Variants in SPI1 observed in about 807,000 individuals in gnomAD.
The protein encoded by SPI1 is transcription factor PU.1.
A neutral mutation model predicts 30.7 loss-of-function variants in SPI1; 3 were observed. That is an observed-to-expected ratio of 0.10 (90% CI 0.04 to 0.25). The LOEUF is 0.25. Ranked by LOEUF, SPI1 falls within the 10% of genes least tolerant of loss-of-function variation. The probability of loss-of-function intolerance (pLI) is 1.00; values close to 1 mark genes in which losing one functional copy is unlikely to be tolerated. For missense variants in SPI1, 261 were observed against 371.5 expected (o/e 0.70, Z 2.45); for synonymous variants, 169 against 157.1 (o/e 1.08, Z -0.56).
At position 47,355,636 on chromosome 11, in the gene SPI1, G is replaced by C. The variant is rs568247487; in HGVS notation, c.494-90C>G. ...TGCGTACGCACAGGGGCCCGGGGAC[G>C]GGGTGGCCGGGAAGGGCAGGGGAAC... On this transcript the variant is annotated intron_variant, in intron 4 of 4. Coordinates refer to ENST00000378538, the MANE Select transcript of SPI1 (RefSeq NM_003120.3). The C allele has an allele frequency of 1.4e-4, 166 of 1,177,622 alleles. No individual in the cohort carries two copies. The East Asian group carries it at 1.9e-3, about 14-fold the overall frequency. 72.9% of individuals were successfully genotyped at this position (1,177,622 alleles called of 1,614,324 possible). A position where few individuals can be genotyped will look rare whatever the true frequency, so the allele number is the denominator to read the frequency against.
In SPI1 at chr11:47,359,702, A is replaced by G. The variant is rs929711247; in HGVS notation, c.330+151T>C. On this transcript the variant is annotated intron_variant, in intron 3 of 4. Transcript: ENST00000378538. The surrounding 1 kb of genome is among the most constrained non-coding windows in gnomAD (Gnocchi z 5.1). ...GGGTCATGAGGTCACTTGGGGGGTC[A>G]GGCGGCAGCCGTTGGAGCTCCAGCC... The G allele has an allele frequency of 7.8e-6, 6 of 769,604 alleles. No homozygotes were observed. The highest frequency in any genetic ancestry group is 1.3e-5 in the Non-Finnish European group (6 of 479,372). The allele number at this position is 769,604 out of a possible 1,614,324, so 47.7% of individuals were successfully genotyped here.
At chr11:47,356,860 A>T (rs565338289) in intron 4 of SPI1, among the ~76,000 whole-genome samples, 6 of 148,594 alleles carry the variant, frequency 4.0e-5, no homozygotes, top group Non-Finnish European at 6.0e-5. Flanking sequence ...ACACCTGCTC[A>T]CACACATCTC....
At chr11:47,356,521 TGCTCACACA>T (rs1211985283) in intron 4 of SPI1, among the ~76,000 whole-genome samples, 119 of 151,422 alleles carry the variant, frequency 7.9e-4, no homozygotes, top group African/African-American at 2.8e-3. Flanking sequence ...CACTCACACC[TGCTCACACA>T]CACCTCACAC....
chr11:47,355,832 C>A, intron 4 of SPI1, among the ~76,000 whole-genome samples: 1 of 147,894 alleles, frequency 6.8e-6, no homozygotes, highest in Admixed American at 6.7e-5. Flanking sequence ...CACACATGCT[C>A]ACATCCACAT....
At chr11:47,355,581 G>T (rs1213644797) in intron 4 of SPI1, 35 bp from the exon 5 acceptor site, 6 of 1,515,394 alleles carry the variant, frequency 4.0e-6, no homozygotes, top group Non-Finnish European at 5.3e-6. Flanking sequence ...AGGGGGCCCG[G>T]GGCCCACATG....
intron 2 of SPI1, among the ~76,000 whole-genome samples, chr11:47,369,145 G>A (rs892002026): frequency 5.8e-4 from 89 of 152,228 alleles, no homozygotes; most frequent in African/African-American, 2.1e-3. Context: ...CCAGCTACTC[G>A]GGAGGCTGAG....
chr11:47,358,667 T>TAC, intron 4 of SPI1, 177 bp downstream of exon 4: 1 of 728,244 alleles, frequency 1.4e-6, no homozygotes, highest in Non-Finnish European at 2.4e-6. Context: ...ACACAGCAGA[T>TAC]ACACACACAC....
At chr11:47,373,347 G>A (rs765452168) in intron 2 of SPI1, among the ~76,000 whole-genome samples, 2 of 147,334 alleles carry the variant, frequency 1.4e-5, no homozygotes, top group South Asian at 2.1e-4. Context: ...ACGAGACTCC[G>A]TATCAAAAAA....
intron 4 of SPI1, chr11:47,358,302 C>T (rs775161723): frequency 5.9e-5 from 31 of 522,022 alleles, no homozygotes; most frequent in Non-Finnish European, 9.4e-5. Flanking sequence ...ATCACTCACA[C>T]ATGCCTGCTT....
rs2095941107 is a variant in SPI1, at chr11:47,375,576, G to C, written c.142+57C>G. The C allele has an allele frequency of 7.6e-7, 1 of 1,317,404 alleles. No homozygotes were observed. The allele number at this position is 1,317,404 out of a possible 1,614,324, so 81.6% of individuals were successfully genotyped here. A position where few individuals can be genotyped will look rare whatever the true frequency, so the allele number is the denominator to read the frequency against. The stretch of plus-strand genomic sequence containing the variant: ...ATCATTTATTCTTTTTCTCTCTCCA[G>C]ACCCCAGGAGCCCAGGCTGGGCTGG... On this transcript the variant is annotated intron_variant, in intron 2 of 4. Transcript: ENST00000378538. This position sits in a 1 kb window ranked among gnomAD's most constrained non-coding sequence, Gnocchi z 4.2.
intron 2 of SPI1, among the ~76,000 whole-genome samples, chr11:47,362,226 C>T (rs1370757028): frequency 6.6e-6 from 1 of 152,092 alleles, no homozygotes; most frequent in Non-Finnish European, 1.5e-5. Context: ...CCTTGATAAA[C>T]ATTAACTTCA....
At chr11:47,373,091 G>A (rs1371370979) in intron 2 of SPI1, among the ~76,000 whole-genome samples, 3 of 152,176 alleles carry the variant, frequency 2.0e-5, no homozygotes, top group Admixed American at 6.5e-5. Flanking sequence ...AGTGGCTCAC[G>A]CCTGTAATCC....
chr11:47,355,110 G>T lies in SPI1; in HGVS notation c.*117C>A. ...GAGGGGGCGGGTGAGGCGAGGCCCG[G>T]CCCGCCACAGTCCTGCCTCTGGGCC... On this transcript the variant is annotated 3_prime_UTR_variant, in exon 5 of 5. Coordinates refer to ENST00000378538, the MANE Select transcript of SPI1 (RefSeq NM_003120.3). 1.3e-6 allele frequency: 1 copy of T among 788,182 alleles called. No individual in the cohort carries two copies. The highest frequency in any genetic ancestry group is 1.7e-6 in the Non-Finnish European group (1 of 588,368). 48.8% of individuals were successfully genotyped at this position (788,182 alleles called of 1,614,324 possible).
intron 4 of SPI1, among the ~76,000 whole-genome samples, chr11:47,356,806 A>G (rs1304951603): frequency 2.0e-5 from 3 of 149,400 alleles, no homozygotes; most frequent in African/African-American, 7.5e-5. Context: ...TTGCACGCAC[A>G]CACCTGCTTA....
At chr11:47,357,259 C>T (rs2095912460) in intron 4 of SPI1, among the ~76,000 whole-genome samples, 1 of 147,336 alleles carries the variant, frequency 6.8e-6, no homozygotes, top group Non-Finnish European at 1.5e-5. Flanking sequence ...TACCTGCTCA[C>T]ATACATGCTC....
intron 2 of SPI1, among the ~76,000 whole-genome samples, chr11:47,373,103 A>C (rs959601352): frequency 1.3e-5 from 2 of 152,232 alleles, no homozygotes; most frequent in Admixed American, 1.3e-4. Flanking sequence ...CTGTAATCCC[A>C]GCACTTTGGG....
intron 4 of SPI1, among the ~76,000 whole-genome samples, chr11:47,355,754 CCACTCACACCCACG>C (rs1458500116): frequency 6.8e-6 from 1 of 146,468 alleles, no homozygotes; most frequent in Non-Finnish European, 1.5e-5. Flanking sequence ...TCACACACAC[CCACTCACACCCACG>C]CACTCACCCC....
At chr11:47,355,700 A>T (rs1005652030) in intron 4 of SPI1, among the ~76,000 whole-genome samples, 154 bp from the exon 5 acceptor site, 2 of 151,744 alleles carry the variant, frequency 1.3e-5, no homozygotes, top group Non-Finnish European at 2.9e-5. Context: ...TACACAACGC[A>T]CCCACACTCA....
intron 2 of SPI1, among the ~76,000 whole-genome samples, chr11:47,371,082 C>T (rs555426554): frequency 5.3e-5 from 8 of 152,088 alleles, no homozygotes; most frequent in South Asian, 4.2e-4. Flanking sequence ...GACTGGAGGC[C>T]GGGCACGGTG....
Sources: allele counts gnomAD v4.1 joint callset (sites outside exome capture counted in the v4.1 genomes callset), GRCh38; gene constraint gnomAD v4.1.1; non-coding constraint Gnocchi (gnomAD v3.1); transcripts MANE v1.5; gene names NCBI Gene and HGNC (gene_info 2026-07-23, HGNC 2026-07-21).